The following KCNU1 variants were observed in gnomAD, a reference collection of about 807,000 sequenced individuals.
KCNU1 encodes the protein potassium channel subfamily U member 1.
A neutral mutation model predicts 126.8 loss-of-function variants in KCNU1; 93 were observed. The ratio of observed to expected loss-of-function variants is 0.73; its 90% confidence interval spans 0.62 to 0.87. The LOEUF is 0.87. KCNU1 is among the 40% of genes least tolerant of loss of function. The pLI is 0.00. For missense variants in KCNU1, 1,330 were observed against 1,367.1 expected, an observed-to-expected ratio of 0.97 and a Z score of 0.43; for synonymous variants, 523 against 494.2, an observed-to-expected ratio of 1.06 and a Z score of -0.77.
At chr8:36,801,664 A>G (rs1278669888) in intron 2 of KCNU1, among the ~76,000 whole-genome samples, 1 of 152,030 alleles carries the variant, frequency 6.6e-6, no homozygotes, top group African/African-American at 2.4e-5. Context: ...CTGCTATTAA[A>G]TGTATATATG....
chr8:36,845,052 T>C (rs1227438979), intron 16 of KCNU1, among the ~76,000 whole-genome samples: 1 of 152,124 alleles, frequency 6.6e-6, no homozygotes, highest in Non-Finnish European at 1.5e-5. Flanking sequence ...CTGTCAAAAA[T>C]CTGGCAATCA....
intron 19 of KCNU1, among the ~76,000 whole-genome samples, chr8:36,902,858 A>T (rs190419457): frequency 2.0e-5 from 3 of 152,218 alleles, no homozygotes; most frequent in Admixed American, 1.3e-4. Flanking sequence ...GTTGGAGCAC[A>T]TGGCTTATAG....
chr8:36,805,065 A>T, intron 3 of KCNU1, 130 bp from the exon 4 acceptor site: 1 of 601,798 alleles, frequency 1.7e-6, no homozygotes, highest in Non-Finnish European at 2.9e-6. Flanking sequence ...TTTCCTTGAG[A>T]TCTTAACTTA....
chr8:36,818,320 T>A (rs551265471), intron 10 of KCNU1, among the ~76,000 whole-genome samples: 3 of 152,314 alleles, frequency 2.0e-5, no homozygotes, highest in East Asian at 1.9e-4. Context: ...TAATTTTCTA[T>A]GTTTTGACTG....
chr8:36,906,772 A>T (rs1807647156), intron 20 of KCNU1, among the ~76,000 whole-genome samples: 1 of 152,284 alleles, frequency 6.6e-6, no homozygotes, highest in South Asian at 2.1e-4. Flanking sequence ...CCATCATTTG[A>T]TCAGAAACAC....
chr8:36,849,368 C>G (rs1211559166), intron 18 of KCNU1, among the ~76,000 whole-genome samples: 1 of 152,272 alleles, frequency 6.6e-6, no homozygotes, highest in Middle Eastern at 3.4e-3. Flanking sequence ...GTGGGCCGAT[C>G]ACTTGAGGTC....
In KCNU1 at chr8:36,909,520, G is replaced by C. The variant is rs751919961; in HGVS notation, c.2316G>C (p.Gln772His). 5.6e-6 allele frequency: 9 copies of C among 1,593,016 alleles called. No homozygotes were observed. The highest frequency in any genetic ancestry group is 7.8e-6 in the Non-Finnish European group (9 of 1,161,018). The change falls in exon 21 of 27, where the codon CAG (glutamine) becomes CAC (histidine). Residue 772 changes from glutamine to histidine, a missense_variant. Physicochemically the swap from Gln to His is conservative, Grantham distance 24. Transcript: ENST00000399881. ...GGCGATTTCTCTGGAATTTTCCCCA[G>C]ATATACATTCTGCCTGTAAGTATCA... Reference protein sequence around the residue: ...REWRFLWNFPQIYILPGCALY... With the variant: ...REWRFLWNFPHIYILPGCALY...
rs951699117 is a variant in KCNU1 at position 36,935,449 on chromosome 8, G to A, written c.3045-66G>A. On this transcript the variant is annotated intron_variant, in intron 26 of 26. Coordinates refer to ENST00000399881, the MANE Select transcript of KCNU1 (RefSeq NM_001031836.3). ...CCAGCAAAATGACCTCTTTATTTGG[G>A]TCACTGCCTGTTGCCACACTGGCCA... is the stretch of plus-strand genomic sequence containing the variant. The A allele has an allele frequency of 3.8e-6, 5 of 1,308,774 alleles. No homozygotes were observed. The Admixed American group carries it at 6.7e-5, about 18-fold the overall frequency. The allele number at this position is 1,308,774 out of a possible 1,614,324, so 81.1% of individuals were successfully genotyped here.
chr8:36,826,751 T>A (rs1173366445), intron 10 of KCNU1, among the ~76,000 whole-genome samples: 1 of 152,186 alleles, frequency 6.6e-6, no homozygotes, highest in Non-Finnish European at 1.5e-5. Context: ...ATTTCAGGGG[T>A]ACCTGTTCAG....
At chr8:36,853,853 G>A (rs1805438216) in intron 18 of KCNU1, among the ~76,000 whole-genome samples, 1 of 152,100 alleles carries the variant, frequency 6.6e-6, no homozygotes, top group African/African-American at 2.4e-5. Context: ...ACTGCCTAAT[G>A]TGCTTGTATT....
chr8:36,851,584 C>T (rs938837993), intron 18 of KCNU1, among the ~76,000 whole-genome samples: 9 of 152,136 alleles, frequency 5.9e-5, no homozygotes, highest in Non-Finnish European at 8.8e-5. Context: ...TTGATTAATA[C>T]ACGATGAACA....
chr8:36,802,034 G>C (rs1038233436), intron 2 of KCNU1, among the ~76,000 whole-genome samples: 1 of 149,572 alleles, frequency 6.7e-6, no homozygotes, highest in African/African-American at 2.5e-5. Context: ...GCTTGAAACC[G>C]GAAGGCGGAG....
At chr8:36,805,371 C>A in intron 4 of KCNU1, 86 bp downstream of exon 4, 1 of 815,062 alleles carries the variant, frequency 1.2e-6, no homozygotes, top group Non-Finnish European at 2.0e-6. Context: ...GTCCTACAAT[C>A]TGCCCGAGTT....
chr8:36,871,692 A>C (rs766475869), intron 19 of KCNU1, among the ~76,000 whole-genome samples: 19 of 152,100 alleles, frequency 1.2e-4, no homozygotes, highest in Non-Finnish European at 1.8e-4. Flanking sequence ...AAAAACTAAA[A>C]ACAAATTCTC....
intron 7 of KCNU1, among the ~76,000 whole-genome samples, chr8:36,810,035 C>T (rs374752625): frequency 3.3e-5 from 5 of 152,184 alleles, no homozygotes; most frequent in African/African-American, 1.2e-4. Flanking sequence ...CTTCGGATCA[C>T]GAGGTCGAGA....
At chr8:36,791,540 C>G (rs1404869105) in intron 2 of KCNU1, among the ~76,000 whole-genome samples, 1 of 152,016 alleles carries the variant, frequency 6.6e-6, no homozygotes, top group East Asian at 1.9e-4. Context: ...AAATGCATAA[C>G]CTTTTCTGTG....
At chr8:36,925,733 C>A (rs922505678) in intron 24 of KCNU1, among the ~76,000 whole-genome samples, 2 of 152,128 alleles carry the variant, frequency 1.3e-5, no homozygotes, top group South Asian at 2.1e-4. Flanking sequence ...CATGGAAATA[C>A]CCTCGGAGAG....
chr8:36,932,697 G>T (rs1212426248), intron 25 of KCNU1, among the ~76,000 whole-genome samples: 1 of 152,004 alleles, frequency 6.6e-6, no homozygotes, highest in Non-Finnish European at 1.5e-5. Context: ...CCCACCAGAA[G>T]CTCTTGAAAG....
Position 36,864,278 on chromosome 8 carries a change from G to A in KCNU1, c.1892-126G>A, listed in dbSNP as rs1585478940. The stretch of plus-strand genomic sequence containing the variant: ...CTACAATTCATCCTCTTAGAACTAG[G>A]CTGTAGCTGAGACTCCCCAGCCTTT... On this transcript the variant is annotated intron_variant, in intron 18 of 26. Coordinates refer to ENST00000399881, the MANE Select transcript of KCNU1 (RefSeq NM_001031836.3). 27 of 671,548 alleles carry A rather than the reference G, an allele frequency of 4.0e-5. No individual in the cohort carries two copies. The East Asian group carries it at 7.0e-4, about 17-fold the overall frequency. The allele number at this position is 671,548 out of a possible 1,614,324, so 41.6% of individuals were successfully genotyped here. A position where few individuals can be genotyped will look rare whatever the true frequency, so the allele number is the denominator to read the frequency against.
Sources: allele counts gnomAD v4.1 joint callset (sites outside exome capture counted in the v4.1 genomes callset), GRCh38; gene constraint gnomAD v4.1.1; transcripts MANE v1.5; gene names NCBI Gene and HGNC (gene_info 2026-07-23, HGNC 2026-07-21).